The following PLCB1 variants were observed in gnomAD, a reference collection of about 807,000 sequenced individuals.
PLCB1 encodes phospholipase C beta 1.
A neutral mutation model predicts 161.8 loss-of-function variants in PLCB1; 46 were observed. The ratio of observed to expected loss-of-function variants is 0.28; its 90% CI spans 0.22 to 0.36. PLCB1 has a LOEUF of 0.36. PLCB1 is among the 10% of genes least tolerant of loss of function. The pLI, the probability that PLCB1 is intolerant of heterozygous loss-of-function variation, is 1.00. For synonymous variants in PLCB1, 517 were observed against 503.7 expected (o/e 1.03, Z -0.35); for missense variants, 1,016 against 1,472.5 (o/e 0.69, Z 5.07).
intron 7 of PLCB1, chr20:8,651,760 C>T (rs572966814): frequency 1.2e-5 from 5 of 414,886 alleles, no homozygotes; most frequent in African/African-American, 6.0e-5. Context: ...AAAAGAAAGA[C>T]TGGAGAACTA....
At chr20:8,880,335 G>A (rs532921861) in intron 31 of PLCB1, among the ~76,000 whole-genome samples, 40 of 152,136 alleles carry the variant, frequency 2.6e-4, no homozygotes, top group African/African-American at 8.7e-4. Context: ...CCTGTCTACC[G>A]GAGAATCCCA....
At chr20:8,696,308 C>T (rs1469762193) in intron 10 of PLCB1, among the ~76,000 whole-genome samples, 1 of 152,152 alleles carries the variant, frequency 6.6e-6, no homozygotes, top group Non-Finnish European at 1.5e-5. Flanking sequence ...GCCAGTTGAC[C>T]ATAAATTGAG....
intron 3 of PLCB1, among the ~76,000 whole-genome samples, chr20:8,452,042 G>A (rs1374916321): frequency 6.6e-6 from 1 of 152,158 alleles, no homozygotes; most frequent in Non-Finnish European, 1.5e-5. Context: ...AAATAGCTGA[G>A]AGATTTGTGA....
At chr20:8,267,514 C>T (rs1982031337) in intron 2 of PLCB1, among the ~76,000 whole-genome samples, 1 of 152,176 alleles carries the variant, frequency 6.6e-6, no homozygotes, top group Non-Finnish European at 1.5e-5. Flanking sequence ...TTCTGCTTCC[C>T]TCCTTCTCCT....
chr20:8,672,882 T>C (rs147751103), intron 9 of PLCB1, among the ~76,000 whole-genome samples: 2,860 of 151,886 alleles, frequency 0.019, 70 homozygotes, highest in African/African-American at 0.057. Context: ...GAGGTTGAGG[T>C]GGGTGGATAA....
At chr20:8,297,566 CAAGT>C (rs1983695975) in intron 2 of PLCB1, among the ~76,000 whole-genome samples, 4 of 151,982 alleles carry the variant, frequency 2.6e-5, no homozygotes, top group Admixed American at 2.6e-4. Context: ...AATTGAATGC[CAAGT>C]AATAATCGTT....
chr20:8,760,386 A>G, intron 24 of PLCB1, 21 bp from the exon 25 acceptor site: 2 of 1,535,200 alleles, frequency 1.3e-6, no homozygotes, highest in South Asian at 2.3e-5. Flanking sequence ...GAGGCTATTT[A>G]TTTTATCTTT....
chr20:8,565,774 C>G (rs1027756391), intron 3 of PLCB1, among the ~76,000 whole-genome samples: 1 of 151,940 alleles, frequency 6.6e-6, no homozygotes, highest in African/African-American at 2.4e-5. Context: ...ACCCCAGAAC[C>G]TGTGTTTTGT....
At chr20:8,185,155 G>T (rs568108872) in intron 2 of PLCB1, among the ~76,000 whole-genome samples, 22 of 152,124 alleles carry the variant, frequency 1.4e-4, no homozygotes, top group Non-Finnish European at 2.9e-4. Context: ...GGGGAAACAG[G>T]CTTTATTATG....
At position 8,520,525 on chromosome 20, in the gene PLCB1, G is replaced by A. The variant is rs1405242519; in HGVS notation, c.247-107769G>A. Among the ~76,000 whole-genome samples, 4 of 151,852 alleles carry A rather than the reference G, an allele frequency of 2.6e-5. No homozygotes were observed. The East Asian group carries it at 7.7e-4, about 29-fold the overall frequency. On this transcript the variant is annotated intron_variant, in intron 3 of 31. Coordinates refer to ENST00000338037, the MANE Select transcript of PLCB1 (RefSeq NM_015192.4). The stretch of plus-strand genomic sequence containing the variant: ...CTTTTTCTAACAGTACTTTATTAAA[G>A]TACAATTTACCTTTAGTAAAATGCA...
chr20:8,634,416 G>A (rs1020480984), intron 4 of PLCB1, among the ~76,000 whole-genome samples: 1 of 152,054 alleles, frequency 6.6e-6, no homozygotes, highest in Non-Finnish European at 1.5e-5. Context: ...AGATTTTCTG[G>A]AAGTTTTCGT....
chr20:8,480,866 G>T (rs962407185), intron 3 of PLCB1, among the ~76,000 whole-genome samples: 3 of 151,918 alleles, frequency 2.0e-5, no homozygotes, highest in African/African-American at 7.2e-5. Flanking sequence ...CACTTTGGGA[G>T]GCTGAGGCGG....
At chr20:8,466,789 G>A (rs1981843717) in intron 3 of PLCB1, among the ~76,000 whole-genome samples, 1 of 152,032 alleles carries the variant, frequency 6.6e-6, no homozygotes, top group Non-Finnish European at 1.5e-5. Flanking sequence ...TTCATGTCAT[G>A]CATACATTTG....
chr20:8,689,195 T>G (rs1226381579), intron 10 of PLCB1, among the ~76,000 whole-genome samples: 1 of 152,126 alleles, frequency 6.6e-6, no homozygotes, highest in African/African-American at 2.4e-5. Context: ...ATTAATCTTG[T>G]ATCTGAAAAC....
rs1364886743 is a variant in PLCB1 at position 8,765,159 on chromosome 20, G to A, written c.2731G>A (p.Glu911Lys). 1.9e-6 allele frequency: 3 copies of A among 1,613,340 alleles called. No homozygotes were observed. Among genetic ancestry groups the A allele is most frequent in the Non-Finnish European group, 2.5e-6 (3 of 1,179,862 alleles). ...VLTEVEAQTI[E>K]ELKQQKSFVK... ...TGCAGAAGTGGAAGCACAGACCATCGAAGAACTAAAGCAACAGAAATCGTT... is the reference window on the plus strand; with the variant it reads ...TGCAGAAGTGGAAGCACAGACCATCAAAGAACTAAAGCAACAGAAATCGTT... The change falls in exon 26 of 32, where the codon GAA (glutamate) becomes AAA (lysine). Residue 911 changes from glutamate to lysine, a missense_variant. Glu to Lys is a moderately conservative substitution (Grantham distance 56). Around this residue, in one of 10 missense-constraint regions of PLCB1, gnomAD observed 398 missense variants for 445.4 expected, o/e 0.89. Coordinates refer to ENST00000338037, the MANE Select transcript of PLCB1 (RefSeq NM_015192.4).
chr20:8,226,641 T>G (rs955361658), intron 2 of PLCB1, among the ~76,000 whole-genome samples: 1 of 152,066 alleles, frequency 6.6e-6, no homozygotes, highest in African/African-American at 2.4e-5. Context: ...TAATGTGAAA[T>G]AGTCTAGTTG....
intron 3 of PLCB1, among the ~76,000 whole-genome samples, chr20:8,471,771 C>T (rs951383045): frequency 6.6e-6 from 1 of 152,074 alleles, no homozygotes; most frequent in African/African-American, 2.4e-5. Flanking sequence ...AGCTTTGAAT[C>T]ACCCTCCTTT....
intron 2 of PLCB1, among the ~76,000 whole-genome samples, chr20:8,214,730 A>T (rs1979027455): frequency 6.6e-6 from 1 of 151,996 alleles, no homozygotes; most frequent in South Asian, 2.1e-4. Context: ...TTTTCATGTG[A>T]TAATATCCTC....
rs181727004 is a variant in PLCB1, at chr20:8,794,627, T to C, written c.3423+4366T>C. 2.2e-3 allele frequency among the ~76,000 whole-genome samples: 341 copies of C among 152,352 alleles called. 2 individuals are homozygous for C. Among genetic ancestry groups the C allele is most frequent in the Admixed American group, 0.02 (302 of 15,308 alleles). ...TTACTTTCTCTTCATCCACTTATTC[T>C]AACTAATGTAATAGTGTGTTTCATG... On this transcript the variant is annotated intron_variant, in intron 31 of 31. Transcript: ENST00000338037.
Sources: allele counts gnomAD v4.1 joint callset (sites outside exome capture counted in the v4.1 genomes callset), GRCh38; gene constraint gnomAD v4.1.1; regional missense constraint gnomAD v4.1.1; transcripts MANE v1.5; gene names NCBI Gene and HGNC (gene_info 2026-07-23, HGNC 2026-07-21).